Variants in PTK2 observed in about 807,000 individuals in gnomAD.
PTK2 encodes focal adhesion kinase 1.
A neutral mutation model predicts 150.1 loss-of-function variants in PTK2; 45 were observed. That is an observed-to-expected ratio of 0.30 (90% CI 0.24 to 0.38). The LOEUF is 0.38. Ranked by LOEUF, PTK2 falls within the 10% of genes least tolerant of loss-of-function variation. The pLI is 1.00. For missense variants in PTK2, 919 were observed against 1,307.3 expected, an observed-to-expected ratio of 0.70 and a Z score of 4.58; for synonymous variants, 432 against 449.2, an observed-to-expected ratio of 0.96 and a Z score of 0.48.
At chr8:140,994,421 A>ACTTT (rs2100196858) in intron 1 of PTK2, among the ~76,000 whole-genome samples, 2 of 152,254 alleles carry the variant, frequency 1.3e-5, no homozygotes, top group Non-Finnish European at 1.5e-5. Context: ...GCATGTGCTC[A>ACTTT]CTTTGAGTCT....
chr8:140,916,284 G>A (rs2100165244), intron 2 of PTK2, among the ~76,000 whole-genome samples: 1 of 152,156 alleles, frequency 6.6e-6, no homozygotes, highest in Non-Finnish European at 1.5e-5. Flanking sequence ...TGTTTCTAGT[G>A]GGCCTCACTT....
chr8:140,807,363 C>G (rs1279734809), intron 10 of PTK2, among the ~76,000 whole-genome samples: 1 of 152,174 alleles, frequency 6.6e-6, no homozygotes, highest in Admixed American at 6.5e-5. Flanking sequence ...GAGCTTAAGA[C>G]TAGGTATATT....
chr8:140,708,733 G>T (rs1049401519), intron 23 of PTK2, among the ~76,000 whole-genome samples: 1 of 152,104 alleles, frequency 6.6e-6, no homozygotes, highest in Admixed American at 6.5e-5. Context: ...TTTCCAAAGT[G>T]TGTTCTACAA....
chr8:140,906,833 G>T (rs13250787), intron 2 of PTK2, among the ~76,000 whole-genome samples: 63,360 of 151,996 alleles, frequency 0.42, 15,129 homozygotes, highest in Non-Finnish European at 0.55. Context: ...GAAAAGTGTT[G>T]GAGATGATAT....
chr8:140,800,592 T>C lies in PTK2; in HGVS notation c.976-16A>G, dbSNP rs985217919. 6.3e-7 allele frequency: 1 copy of C among 1,589,402 alleles called. No individual in the cohort carries two copies. The highest frequency in any genetic ancestry group is 8.6e-7 in the Non-Finnish European group (1 of 1,158,544). ...CTGTCAGAGGCTAACGGAGAAAAGATCAAGAAAACAGACTTCATTGTTCTT... is the reference window on the plus strand; with the variant it reads ...CTGTCAGAGGCTAACGGAGAAAAGACCAAGAAAACAGACTTCATTGTTCTT... On this transcript the variant is annotated splice_polypyrimidine_tract_variant and intron_variant, in intron 11 of 31. Transcript: ENST00000522684.
intron 1 of PTK2, 132 bp from the exon 2 acceptor site, chr8:140,925,881 A>G (rs1436275740): frequency 6.6e-6 from 1 of 152,418 alleles, no homozygotes; most frequent in Non-Finnish European, 1.5e-5. Context: ...CGTAATAGCA[A>G]TGCTAATAAT....
intron 14 of PTK2, among the ~76,000 whole-genome samples, chr8:140,781,726 A>G (rs2100081792): frequency 6.6e-6 from 1 of 152,216 alleles, no homozygotes; most frequent in Admixed American, 6.5e-5. Flanking sequence ...AGACGAGTTC[A>G]GCTCAAGGGT....
At chr8:140,770,961 C>G (rs150873433) in intron 14 of PTK2, 162 bp from the exon 15 acceptor site, 106 of 210,198 alleles carry the variant, frequency 5.0e-4, no homozygotes, top group African/African-American at 2.2e-3. Flanking sequence ...CTATGATTGA[C>G]TTGAGTTTTA....
intron 2 of PTK2, among the ~76,000 whole-genome samples, chr8:140,897,191 C>T (rs529744549): frequency 3.9e-5 from 6 of 152,168 alleles, no homozygotes; most frequent in African/African-American, 1.4e-4. Flanking sequence ...CCAAATATAC[C>T]TATGTGGCCC....
At chr8:140,680,938 GGTAAAACTT>G (rs2100016564) in intron 27 of PTK2, among the ~76,000 whole-genome samples, 1 of 152,110 alleles carries the variant, frequency 6.6e-6, no homozygotes, top group Admixed American at 6.6e-5. Context: ...CCCTTATTAG[GGTAAAACTT>G]TAACTCCGTA....
At chr8:140,768,013 A>G (rs1478004439) in intron 14 of PTK2, among the ~76,000 whole-genome samples, 1 of 152,218 alleles carries the variant, frequency 6.6e-6, no homozygotes, top group African/African-American at 2.4e-5. Flanking sequence ...CAAAGAAAAA[A>G]GGAAACAAGT....
chr8:140,685,854 T>C (rs892449974), intron 27 of PTK2, among the ~76,000 whole-genome samples: 3 of 152,148 alleles, frequency 2.0e-5, no homozygotes, highest in Non-Finnish European at 4.4e-5. Flanking sequence ...AAAACAGAAG[T>C]AGCATTTGAC....
At chr8:140,804,531 C>A (rs1168817619) in intron 10 of PTK2, among the ~76,000 whole-genome samples, 1 of 152,056 alleles carries the variant, frequency 6.6e-6, no homozygotes, top group Admixed American at 6.6e-5. Flanking sequence ...CTCAGTGAGA[C>A]CCTTCTTCAA....
intron 26 of PTK2, among the ~76,000 whole-genome samples, chr8:140,696,014 C>T (rs1303827838): frequency 6.6e-6 from 1 of 152,148 alleles, no homozygotes; most frequent in African/African-American, 2.4e-5. Flanking sequence ...AACAGTGACA[C>T]CAATGCTATG....
At chr8:140,690,041 C>T (rs1397292593) in intron 26 of PTK2, among the ~76,000 whole-genome samples, 1 of 152,218 alleles carries the variant, frequency 6.6e-6, no homozygotes, top group Non-Finnish European at 1.5e-5. Context: ...CAAGCTCTGC[C>T]TCCCGGGTTC....
intron 4 of PTK2, among the ~76,000 whole-genome samples, chr8:140,868,873 G>T (rs866357981): frequency 1.3e-5 from 2 of 152,068 alleles, no homozygotes; most frequent in Non-Finnish European, 2.9e-5. Context: ...GAAAAGGAAC[G>T]GTAAGTGGAA....
At chr8:140,789,379 A>G in intron 14 of PTK2, 95 bp downstream of exon 14, 1 of 1,252,490 alleles carries the variant, frequency 8.0e-7, no homozygotes, top group Non-Finnish European at 1.1e-6. Flanking sequence ...TTCATAAGCT[A>G]TTCTAGAACG....
chr8:140,708,668 A>G (rs2100035136), intron 23 of PTK2, among the ~76,000 whole-genome samples: 1 of 152,170 alleles, frequency 6.6e-6, no homozygotes. Flanking sequence ...AAACAGGAAA[A>G]GGGTATAAAG....
chr8:140,908,883 C>A (rs1391196984), intron 2 of PTK2, among the ~76,000 whole-genome samples: 1 of 152,086 alleles, frequency 6.6e-6, no homozygotes, highest in East Asian at 1.9e-4. Flanking sequence ...AGAATGCATT[C>A]AATATACCAT....
Sources: allele counts gnomAD v4.1 joint callset (sites outside exome capture counted in the v4.1 genomes callset), GRCh38; gene constraint gnomAD v4.1.1; transcripts MANE v1.5; gene names NCBI Gene and HGNC (gene_info 2026-07-23, HGNC 2026-07-21).